Variants in USP46 observed in about 807,000 individuals in gnomAD.
USP46 encodes ubiquitin carboxyl-terminal hydrolase 46.
In USP46, 12 loss-of-function variants were observed where a neutral mutation model predicts 44.4. The observed-to-expected ratio is 0.27, with a 90% CI of 0.17 to 0.44. The LOEUF (loss-of-function observed/expected upper bound fraction) is 0.44, where lower values mean the gene tolerates loss of function less well. USP46 is among the 20% of genes least tolerant of loss of function. The pLI, the probability that USP46 is intolerant of heterozygous loss-of-function variation, is 1.00. For missense variants in USP46, 248 were observed against 444.8 expected, an observed-to-expected ratio of 0.56 and a Z score of 3.98; for synonymous variants, 155 against 161.5, an observed-to-expected ratio of 0.96 and a Z score of 0.31.
intron 4 of USP46, among the ~76,000 whole-genome samples, chr4:52,619,552 G>A (rs1171166824): frequency 6.6e-6 from 1 of 152,222 alleles, no homozygotes; most frequent in East Asian, 1.9e-4. Context: ...TTACTCAAAA[G>A]AGGCTCCCTG....
chr4:52,627,520 T>G (rs1053325042), intron 3 of USP46, among the ~76,000 whole-genome samples: 2 of 152,216 alleles, frequency 1.3e-5, no homozygotes, highest in African/African-American at 4.8e-5. Flanking sequence ...TCAGAGGTAT[T>G]GTATTTAAAA....
chr4:52,650,673 G>A (rs576846839), intron 1 of USP46, among the ~76,000 whole-genome samples: 23 of 152,204 alleles, frequency 1.5e-4, no homozygotes, highest in African/African-American at 5.5e-4. Flanking sequence ...GTATGTTAAT[G>A]TTTTGTGATT....
At chr4:52,643,924 C>T (rs1248257209) in intron 1 of USP46, among the ~76,000 whole-genome samples, 2 of 152,174 alleles carry the variant, frequency 1.3e-5, no homozygotes, top group African/African-American at 4.8e-5. Context: ...TTTTCATTCA[C>T]ATTTTCAGTA....
intron 4 of USP46, among the ~76,000 whole-genome samples, chr4:52,621,784 A>G (rs1717384571): frequency 6.6e-6 from 1 of 152,252 alleles, no homozygotes; most frequent in Non-Finnish European, 1.5e-5. Flanking sequence ...TCCCAAAAGG[A>G]TACCCCAGAG....
At chr4:52,632,914 GAAAGA>G (rs1717898043) in intron 1 of USP46, among the ~76,000 whole-genome samples, 1 of 81,146 alleles carries the variant, frequency 1.2e-5, no homozygotes, top group African/African-American at 5.3e-5. Flanking sequence ...GAGAAAGAAA[GAAAGA>G]GAAAGAAAGA....
intron 1 of USP46, among the ~76,000 whole-genome samples, chr4:52,632,954 A>AAGAAAG (rs1717916378): frequency 1.3e-5 from 1 of 76,736 alleles, no homozygotes; most frequent in African/African-American, 6.7e-5. Context: ...GAAAGAAAGA[A>AAGAAAG]AGAAAGAAAG....
chr4:52,643,891 A>C (rs1456505299), intron 1 of USP46, among the ~76,000 whole-genome samples: 14 of 152,204 alleles, frequency 9.2e-5, no homozygotes. Flanking sequence ...TGAGCTCTGG[A>C]CCACAAGCCA....
At chr4:52,609,894 ATTTCTTTTTTTTTTTTTTTTTTT>A (rs1716864257) in intron 5 of USP46, among the ~76,000 whole-genome samples, 1 of 20,646 alleles carries the variant, frequency 4.8e-5, no homozygotes, top group East Asian at 1.0e-3. Flanking sequence ...CCTCAATTCT[ATTTCTTTTTTTTTTTTTTTTTTT>A]TTTTTTTTTT....
rs536261065 is a variant in USP46 at position 52,595,350 on chromosome 4, A to C, written c.*2290T>G. On this transcript the variant is annotated 3_prime_UTR_variant, in exon 9 of 9. Coordinates refer to ENST00000441222, the MANE Select transcript of USP46 (RefSeq NM_022832.4). ...ATTTATTGAGAAGGAAGAGGGAAAA[A>C]ATTAGCAGATAGCTCTAAATTTTAA... 1 of 152,770 alleles carries C rather than the reference A, an allele frequency of 6.5e-6. No individual in the cohort carries two copies. The highest frequency in any genetic ancestry group is 2.1e-4 in the South Asian group (1 of 4,830). 9.5% of individuals were successfully genotyped at this position (152,770 alleles called of 1,614,324 possible). A position where few individuals can be genotyped will look rare whatever the true frequency, so the allele number is the denominator to read the frequency against.
chr4:52,610,693 C>A, intron 4 of USP46, 76 bp from the exon 5 acceptor site: 1 of 1,355,048 alleles, frequency 7.4e-7, no homozygotes, highest in Non-Finnish European at 1.0e-6. Context: ...TATAGGTAAT[C>A]ACCGACTGCA....
chr4:52,658,145 G>A, intron 1 of USP46: 1 of 452,708 alleles, frequency 2.2e-6, no homozygotes. Context: ...GCAGTCTAAA[G>A]AATGTAGGCA....
chr4:52,624,306 G>A (rs1252064988), intron 4 of USP46, among the ~76,000 whole-genome samples: 1 of 152,168 alleles, frequency 6.6e-6, no homozygotes, highest in Non-Finnish European at 1.5e-5. Context: ...TGGCAGGGAG[G>A]GAAGATCTCT....
In USP46 at chr4:52,659,054, G is replaced by T. The variant is rs76840131; in HGVS notation, c.36+61C>A. ...GCCACCGGGCGTGTGTGCAGCTCGG[G>T]CTTCCCTTTCTTTGCCTCGCCGCGA... On this transcript the variant is annotated intron_variant, in intron 1 of 8. Transcript: ENST00000441222. The surrounding 1 kb of genome is among the most constrained non-coding windows in gnomAD (Gnocchi z 4.2). 2.1e-3 allele frequency: 3,169 copies of T among 1,516,408 alleles called. 8 individuals carry two copies. The highest frequency in any genetic ancestry group is 2.2e-3 in the Non-Finnish European group (2,467 of 1,131,860). The allele number at this position is 1,516,408 out of a possible 1,614,324, so 93.9% of individuals were successfully genotyped here.
intron 5 of USP46, among the ~76,000 whole-genome samples, chr4:52,606,191 C>T (rs776256868): frequency 4.8e-4 from 73 of 152,026 alleles, no homozygotes; most frequent in Non-Finnish European, 1.0e-3. Context: ...GGTGTAAAGT[C>T]CAGGAGAAAG....
chr4:52,627,683 A>G (rs892067053), intron 3 of USP46, among the ~76,000 whole-genome samples: 16 of 152,216 alleles, frequency 1.1e-4, no homozygotes, highest in African/African-American at 3.9e-4. Context: ...TCTCTCTTAC[A>G]ATGATCCTGC....
chr4:52,622,540 A>T (rs1399367806), intron 4 of USP46, among the ~76,000 whole-genome samples: 1 of 152,158 alleles, frequency 6.6e-6, no homozygotes. Flanking sequence ...TTATATGTCA[A>T]ATACTCCTTG....
intron 4 of USP46, among the ~76,000 whole-genome samples, chr4:52,610,954 T>TA (rs1716913507): frequency 6.6e-6 from 1 of 152,132 alleles, no homozygotes; most frequent in Non-Finnish European, 1.5e-5. Flanking sequence ...TGCAGAGTGA[T>TA]AAAAATGGAA....
At chr4:52,610,705 TAAAAACCA>T in intron 4 of USP46, 88 bp from the exon 5 acceptor site, 2 of 1,254,918 alleles carry the variant, frequency 1.6e-6, no homozygotes, top group African/African-American at 1.5e-5. Flanking sequence ...CCGACTGCAA[TAAAAACCA>T]TAACTGCAGT....
At chr4:52,618,377 C>T (rs539124307) in intron 4 of USP46, among the ~76,000 whole-genome samples, 19 of 152,138 alleles carry the variant, frequency 1.2e-4, no homozygotes, top group African/African-American at 4.6e-4. Context: ...ATAATTCCAG[C>T]TATTCGGGAG....
Sources: gnomAD v4.1 joint callset for allele counts (sites outside exome capture counted in the v4.1 genomes callset) on GRCh38, gnomAD v4.1.1 for gene constraint, Gnocchi (gnomAD v3.1) non-coding constraint, MANE v1.5 for transcripts, NCBI Gene and HGNC (gene_info 2026-07-23, HGNC 2026-07-21) for gene names.